The following PARD3 variants were observed in gnomAD, a reference collection of about 807,000 sequenced individuals.
The protein encoded by PARD3 is par-3 family cell polarity regulator.
Under a neutral mutation model 155.4 loss-of-function variants are expected in PARD3, and 75 were observed. The observed-to-expected ratio is 0.48, with a 90% CI of 0.40 to 0.58. The LOEUF (loss-of-function observed/expected upper bound fraction) is 0.58, where lower values mean the gene tolerates loss of function less well. PARD3 is among the 20% of genes least tolerant of loss of function. PARD3 has a pLI of 0.00. For synonymous variants in PARD3, 576 were observed against 610.5 expected (o/e 0.94, Z 0.83); for missense variants, 1,642 against 1,721.7 (o/e 0.95, Z 0.82).
intron 2 of PARD3, among the ~76,000 whole-genome samples, chr10:34,537,161 C>T (rs1278459993): frequency 6.6e-6 from 1 of 152,166 alleles, no homozygotes; most frequent in African/African-American, 2.4e-5. Context: ...TGTCACCACA[C>T]CTGGCTTATG....
intron 2 of PARD3, among the ~76,000 whole-genome samples, chr10:34,658,078 G>A (rs1485313150): frequency 6.6e-5 from 10 of 151,494 alleles, no homozygotes; most frequent in African/African-American, 1.9e-4. Flanking sequence ...CCTGGGAGGC[G>A]GAGCTTCCAG....
chr10:34,747,496 GC>G (rs1835461974), intron 1 of PARD3, among the ~76,000 whole-genome samples: 1 of 152,204 alleles, frequency 6.6e-6, no homozygotes, highest in South Asian at 2.1e-4. Context: ...TAAATGCAAA[GC>G]CAAATCCTCA....
chr10:34,482,928 C>G (rs190519159), intron 3 of PARD3, among the ~76,000 whole-genome samples: 3 of 151,824 alleles, frequency 2.0e-5, no homozygotes, highest in Non-Finnish European at 4.4e-5. Flanking sequence ...GCGGGCAGAT[C>G]ACCTGAGGTC....
intron 1 of PARD3, among the ~76,000 whole-genome samples, chr10:34,728,033 G>T (rs1161823634): frequency 1.3e-5 from 2 of 152,132 alleles, no homozygotes; most frequent in African/African-American, 2.4e-5. Context: ...TCCTTGCAAT[G>T]CATTCTGGAT....
Position 34,111,320 on chromosome 10 carries a change from G to A in PARD3, c.3911C>T (p.Pro1304Leu). 2 of 1,613,966 alleles carry A rather than the reference G, an allele frequency of 1.2e-6. No individual in the cohort carries two copies. The highest frequency in any genetic ancestry group is 4.5e-5 in the East Asian group (2 of 44,852). ...TTTCTTATACGAGTCATAGTTGCTG[G>A]GCCCCTCGGAAGGAGGCTGCTTCTT... ...QMKKQPPSEG[P>L]SNYDSYKKVQ... The change falls in exon 25 of 25, where the codon CCC (proline) becomes CTC (leucine). Residue 1304 changes from proline (P) to leucine (L), a missense_variant. By Grantham distance (98) the Pro-to-Leu change is moderately conservative (BLOSUM62 -3). Transcript: ENST00000374788.
At chr10:34,262,253 C>A (rs1274031596) in intron 22 of PARD3, among the ~76,000 whole-genome samples, 1 of 151,680 alleles carries the variant, frequency 6.6e-6, no homozygotes, top group East Asian at 1.9e-4. Flanking sequence ...AAGCCTATTA[C>A]GGTTTTTTTT....
intron 2 of PARD3, among the ~76,000 whole-genome samples, chr10:34,577,560 G>C (rs1265363808): frequency 6.6e-6 from 1 of 152,174 alleles, no homozygotes; most frequent in East Asian, 1.9e-4. Flanking sequence ...ATTTGAATGA[G>C]AATCGATAAT....
intron 22 of PARD3, among the ~76,000 whole-genome samples, chr10:34,238,327 G>A (rs191618285): frequency 6.6e-6 from 1 of 152,262 alleles, no homozygotes; most frequent in East Asian, 1.9e-4. Context: ...AAAACCCAGG[G>A]TGCATTTCAT....
chr10:34,546,188 T>C (rs918626448), intron 2 of PARD3, among the ~76,000 whole-genome samples: 5 of 152,196 alleles, frequency 3.3e-5, no homozygotes, highest in African/African-American at 9.7e-5. Context: ...CATTTTGAAG[T>C]TAACACTCTT....
intron 12 of PARD3, among the ~76,000 whole-genome samples, chr10:34,371,338 T>C (rs1269899128): frequency 6.6e-6 from 1 of 151,528 alleles, no homozygotes; most frequent in Admixed American, 6.6e-5. Flanking sequence ...CTTATTAATG[T>C]GGAATATTCT....
In PARD3 at chr10:34,469,213, C is replaced by T. The variant is rs138823108; in HGVS notation, c.582+872G>A. ...GCAACCTCCGCCTCCTGGGTTCAAGCGATTATTGTGCCTCAGCATCCTGAG... is the reference window on the plus strand; with the variant it reads ...GCAACCTCCGCCTCCTGGGTTCAAGTGATTATTGTGCCTCAGCATCCTGAG... On this transcript the variant is annotated intron_variant, in intron 4 of 24. Coordinates refer to ENST00000374788, the MANE Select transcript of PARD3 (RefSeq NM_001184785.2). 5.9e-3 allele frequency among the ~76,000 whole-genome samples: 900 copies of T among 152,232 alleles called. 6 individuals are homozygous for T. The highest frequency in any genetic ancestry group is 0.021 in the African/African-American group (861 of 41,538).
chr10:34,800,384 C>T (rs1372610902), intron 1 of PARD3, among the ~76,000 whole-genome samples: 1 of 151,782 alleles, frequency 6.6e-6, no homozygotes, highest in African/African-American at 2.4e-5. Flanking sequence ...TCGAGGCAGG[C>T]GAATCACCTG....
intron 20 of PARD3, among the ~76,000 whole-genome samples, chr10:34,291,794 C>T (rs1474336165): frequency 2.6e-5 from 4 of 152,206 alleles, no homozygotes; most frequent in Admixed American, 1.3e-4. Context: ...TGCCTGTAAT[C>T]CCAACACTTT....
At chr10:34,452,462 G>C (rs902921637) in intron 4 of PARD3, among the ~76,000 whole-genome samples, 2 of 152,150 alleles carry the variant, frequency 1.3e-5, no homozygotes, top group Non-Finnish European at 2.9e-5. Context: ...TAGATAACTG[G>C]ATATTTGCAT....
chr10:34,214,886 A>C, intron 22 of PARD3, among the ~76,000 whole-genome samples: 1 of 152,212 alleles, frequency 6.6e-6, no homozygotes, highest in East Asian at 1.9e-4. Context: ...CCCCTTGAAA[A>C]AAAATCTAAA....
At chr10:34,176,874 A>G (rs1950052719) in intron 22 of PARD3, among the ~76,000 whole-genome samples, 2 of 152,174 alleles carry the variant, frequency 1.3e-5, no homozygotes, top group Non-Finnish European at 1.5e-5. Flanking sequence ...AAAATTGTCA[A>G]TGGAAAGTGA....
chr10:34,197,258 T>A (rs1411725894), intron 22 of PARD3, among the ~76,000 whole-genome samples: 3 of 152,126 alleles, frequency 2.0e-5, no homozygotes, highest in Non-Finnish European at 4.4e-5. Context: ...CAAGATTGAG[T>A]TGGCTTCTGA....
chr10:34,336,793 T>C (rs1334120550), intron 17 of PARD3, among the ~76,000 whole-genome samples: 1 of 152,096 alleles, frequency 6.6e-6, no homozygotes, highest in Non-Finnish European at 1.5e-5. Context: ...ATTATCAAAA[T>C]ATGAAAGCTT....
chr10:34,198,686 A>G (rs1951069639), intron 22 of PARD3, among the ~76,000 whole-genome samples: 1 of 152,184 alleles, frequency 6.6e-6, no homozygotes, highest in Non-Finnish European at 1.5e-5. Flanking sequence ...TTGTTTTACA[A>G]CAGTCAACTG....
Sources: allele counts gnomAD v4.1 joint callset (sites outside exome capture counted in the v4.1 genomes callset), GRCh38; gene constraint gnomAD v4.1.1; transcripts MANE v1.5; gene names NCBI Gene and HGNC (gene_info 2026-07-23, HGNC 2026-07-21).